GDAP1L1: variants seen among roughly 807,000 people sequenced by gnomAD.
GDAP1L1 encodes the protein ganglioside-induced differentiation-associated protein 1-like 1.
In GDAP1L1, 21 loss-of-function variants were observed where a neutral mutation model predicts 37.1. The observed-to-expected ratio is 0.57, with a 90% CI of 0.40 to 0.81. The LOEUF (loss-of-function observed/expected upper bound fraction) is 0.81. Among genes scored for constraint, GDAP1L1 ranks in the 40% least tolerant of loss-of-function variants. The pLI is 0.00. For synonymous variants in GDAP1L1, 193 were observed against 209.1 expected, an observed-to-expected ratio of 0.92 and a Z score of 0.67; for missense variants, 362 against 491.6, an observed-to-expected ratio of 0.74 and a Z score of 2.49.
At chr20:44,259,865 G>A (rs2073640510) in intron 3 of GDAP1L1, among the ~76,000 whole-genome samples, 1 of 152,096 alleles carries the variant, frequency 6.6e-6, no homozygotes, top group Admixed American at 6.6e-5. Flanking sequence ...ATGAGGCCCT[G>A]GGCAGGGGAC....
chr20:44,273,915 G>A (rs1209880054), intron 5 of GDAP1L1, among the ~76,000 whole-genome samples: 1 of 152,160 alleles, frequency 6.6e-6, no homozygotes. Context: ...GATCTTCACA[G>A]CTCTGATCCC....
intron 5 of GDAP1L1, among the ~76,000 whole-genome samples, chr20:44,273,313 C>T (rs2062539828): frequency 1.3e-5 from 2 of 152,206 alleles, no homozygotes; most frequent in South Asian, 4.1e-4. Context: ...GCTGCTTCTT[C>T]TCATGTCCCT....
rs1371256886 is a variant in GDAP1L1, at chr20:44,257,324, G to A, written c.352G>A (p.Val118Met). The change falls in exon 2 of 6, where the codon GTG becomes ATG. Residue 118 changes from valine (V) to methionine (M), a missense_variant. This residue lies in a region of GDAP1L1 where 277 missense variants were observed against 337.1 expected (regional missense o/e 0.82). Coordinates refer to ENST00000342560, the MANE Select transcript of GDAP1L1 (RefSeq NM_024034.6). ...TGACTATGACCAGATCATTGACTAT[G>A]TGGAGCGCACCTTCACAGGAGGTAC... is the stretch of plus-strand genomic sequence containing the variant. ...ISDYDQIIDY[V>M]ERTFTGEHVV... The A allele has an allele frequency of 6.2e-7, 1 of 1,613,668 alleles. No homozygotes were observed. The highest frequency in any genetic ancestry group is 1.3e-5 in the African/African-American group (1 of 74,912).
intron 1 of GDAP1L1, among the ~76,000 whole-genome samples, chr20:44,253,122 G>A (rs370429989): frequency 6.6e-6 from 1 of 152,110 alleles, no homozygotes; most frequent in African/African-American, 2.4e-5. Context: ...ATGGTACCCC[G>A]ATTCCCCTTC....
chr20:44,267,853 G>A (rs565892635), intron 5 of GDAP1L1, among the ~76,000 whole-genome samples: 1 of 152,292 alleles, frequency 6.6e-6, no homozygotes, highest in South Asian at 2.1e-4. Context: ...CCTAGGCTGG[G>A]ACCCTACTGC....
At chr20:44,263,103 T>C in intron 3 of GDAP1L1, 127 bp from the exon 4 acceptor site, 1 of 735,252 alleles carries the variant, frequency 1.4e-6, no homozygotes, top group Non-Finnish European at 2.4e-6. Flanking sequence ...TCCCTAAGTG[T>C]TGGCTGTCGA....
At chr20:44,255,594 G>A (rs550854100) in intron 1 of GDAP1L1, among the ~76,000 whole-genome samples, 29 of 126,794 alleles carry the variant, frequency 2.3e-4, no homozygotes, top group African/African-American at 8.4e-4. Context: ...GTAAAGCCAA[G>A]TCATCCAGCA....
chr20:44,267,265 T>A (rs2073774321), intron 5 of GDAP1L1, among the ~76,000 whole-genome samples: 1 of 152,184 alleles, frequency 6.6e-6, no homozygotes, highest in African/African-American at 2.4e-5. Context: ...CAGATGAGGA[T>A]CCTGTTTAAC....
chr20:44,276,706 A>G (rs964323129), intron 5 of GDAP1L1, among the ~76,000 whole-genome samples: 4 of 143,900 alleles, frequency 2.8e-5, no homozygotes, highest in East Asian at 2.0e-4. Flanking sequence ...TTGAGCACCT[A>G]TTGTATGCCA....
intron 5 of GDAP1L1, among the ~76,000 whole-genome samples, chr20:44,277,803 T>A (rs977849565): frequency 1.3e-5 from 2 of 152,192 alleles, no homozygotes; most frequent in Non-Finnish European, 1.5e-5. Context: ...TATCCAAAGT[T>A]ATCTGAAGAC....
At chr20:44,260,797 C>T (rs541343693) in intron 3 of GDAP1L1, among the ~76,000 whole-genome samples, 1 of 152,114 alleles carries the variant, frequency 6.6e-6, no homozygotes, top group East Asian at 1.9e-4. Flanking sequence ...TGGAAATGGT[C>T]GTGGTGTGTG....
intron 1 of GDAP1L1, among the ~76,000 whole-genome samples, chr20:44,256,111 C>A (rs1204496354): frequency 1.3e-5 from 2 of 152,148 alleles, no homozygotes; most frequent in Non-Finnish European, 2.9e-5. Flanking sequence ...GAGTCAAGAA[C>A]CTTGCTTCCA....
At chr20:44,249,208 T>C (rs948974083) in intron 1 of GDAP1L1, among the ~76,000 whole-genome samples, 16 of 151,928 alleles carry the variant, frequency 1.1e-4, no homozygotes, top group African/African-American at 3.9e-4. Context: ...GCTAATTTTT[T>C]TATATTTTTG....
intron 5 of GDAP1L1, among the ~76,000 whole-genome samples, chr20:44,278,195 T>C (rs549797943): frequency 6.7e-6 from 1 of 148,520 alleles, no homozygotes; most frequent in African/African-American, 2.5e-5. Context: ...AGAGAATTAA[T>C]GGTGGTTCCG....
At chr20:44,270,918 C>A (rs1342996717) in intron 5 of GDAP1L1, among the ~76,000 whole-genome samples, 3 of 152,170 alleles carry the variant, frequency 2.0e-5, no homozygotes, top group Non-Finnish European at 4.4e-5. Context: ...GAGAATTGGG[C>A]TCCGCTGAAG....
At chr20:44,252,060 C>T (rs1053587946) in intron 1 of GDAP1L1, among the ~76,000 whole-genome samples, 1 of 152,184 alleles carries the variant, frequency 6.6e-6, no homozygotes, top group Non-Finnish European at 1.5e-5. Context: ...CACTGCTAAA[C>T]GCTACCCTAC....
At chr20:44,267,138 A>G (rs373009203) in intron 5 of GDAP1L1, among the ~76,000 whole-genome samples, 1 of 152,178 alleles carries the variant, frequency 6.6e-6, no homozygotes, top group South Asian at 2.1e-4. Context: ...AGAAAAATCT[A>G]TATATTTAAT....
intron 3 of GDAP1L1, 141 bp from the exon 4 acceptor site, chr20:44,263,089 G>A: frequency 1.4e-6 from 1 of 701,980 alleles, no homozygotes; most frequent in South Asian, 1.7e-5. Flanking sequence ...ACAGCCTGCA[G>A]TGCTCCCTAA....
intron 5 of GDAP1L1, among the ~76,000 whole-genome samples, chr20:44,275,964 G>A (rs984396291): frequency 6.6e-6 from 1 of 152,146 alleles, no homozygotes; most frequent in Admixed American, 6.6e-5. Flanking sequence ...CAAAGAAAGA[G>A]TATTAGTAAG....
Sources: allele counts gnomAD v4.1 joint callset (sites outside exome capture counted in the v4.1 genomes callset), GRCh38; gene constraint gnomAD v4.1.1; regional missense constraint gnomAD v4.1.1; transcripts MANE v1.5; gene names NCBI Gene and HGNC (gene_info 2026-07-23, HGNC 2026-07-21).